ANKRD11: variants seen among roughly 807,000 people sequenced by gnomAD.
ANKRD11 encodes ankyrin repeat domain-containing protein 11.
In ANKRD11, 17 loss-of-function variants were observed where a neutral mutation model predicts 195.7. The ratio of observed to expected loss-of-function variants is 0.09; its 90% CI spans 0.06 to 0.13. ANKRD11 has a LOEUF of 0.13. ANKRD11 is among the 10% of genes least tolerant of loss of function. The pLI is 1.00. For missense variants in ANKRD11, 3,735 were observed against 3,566.1 expected, an observed-to-expected ratio of 1.05 and a Z score of -1.21; for synonymous variants, 1,953 against 1,528.1, an observed-to-expected ratio of 1.28 and a Z score of -6.49.
At chr16:89,367,137 G>A (rs925986294) in intron 2 of ANKRD11, among the ~76,000 whole-genome samples, 4 of 151,860 alleles carry the variant, frequency 2.6e-5, no homozygotes, top group Non-Finnish European at 4.4e-5. Context: ...TCTCCACCCC[G>A]CACCCATCGG....
chr16:89,324,063 G>C (rs995157049), intron 2 of ANKRD11: 1 of 265,774 alleles, frequency 3.8e-6, no homozygotes, highest in African/African-American at 2.3e-5. Context: ...TGTTGGCCAG[G>C]GTGGTCTCCA....
Position 89,282,600 on chromosome 16 carries a change from C to T in ANKRD11, c.3942G>A (p.Glu1314=). The T allele has an allele frequency of 2.5e-6, 4 of 1,614,210 alleles. No individual in the cohort carries two copies. The highest frequency in any genetic ancestry group is 3.4e-6 in the Non-Finnish European group (4 of 1,180,038). ...SSDSFTDRGQ[E]PGLTAFLEVS... ...CCTCCAGGAAGGCAGTCAGCCCCGG[C>T]TCCTGCCCTCGGTCCGTGAAGCTGT... is the stretch of plus-strand genomic sequence containing the variant. The change falls in exon 9 of 13, where the codon GAG becomes GAA. Residue 1314 remains glutamate (E), a synonymous_variant. Transcript: ENST00000301030.
Position 89,269,380 on chromosome 16 carries a change from A to C in ANKRD11, c.7807-717T>G, listed in dbSNP as rs555657072. 2.3e-4 allele frequency among the ~76,000 whole-genome samples: 35 copies of C among 152,136 alleles called. No individual in the cohort carries two copies. The East Asian group carries it at 5.8e-3, about 25-fold the overall frequency. On this transcript the variant is annotated intron_variant, in intron 12 of 12. Coordinates refer to ENST00000301030, the MANE Select transcript of ANKRD11 (RefSeq NM_013275.6). ...TGCAGTGTGATCATGTCTGTCTCTA[A>C]ATTTTTCTCAACATATATATATGTA...
Position 89,330,721 on chromosome 16 carries a change from G to A in ANKRD11, c.-59-13643C>T, listed in dbSNP as rs190761634. Among the ~76,000 whole-genome samples the A allele has an allele frequency of 5.1e-3, 683 of 134,720 alleles. 3 individuals carry two copies. The highest frequency in any genetic ancestry group is 0.018 in the African/African-American group (638 of 35,734). 88.4% of individuals were successfully genotyped at this position (134,720 alleles called of 152,430 possible). On this transcript the variant is annotated intron_variant, in intron 2 of 12. Transcript: ENST00000301030. ...GCATCTCTTGTATCGGAAGTCCCACGGCTTCACTTCCACCTCATCCTGTTC... is the reference window on the plus strand; with the variant it reads ...GCATCTCTTGTATCGGAAGTCCCACAGCTTCACTTCCACCTCATCCTGTTC...
chr16:89,480,476 C>CA (rs1210555402), intron 1 of ANKRD11, among the ~76,000 whole-genome samples: 13 of 143,120 alleles, frequency 9.1e-5, no homozygotes, highest in Non-Finnish European at 1.2e-4. Flanking sequence ...GACTCCATCT[C>CA]AAAAAAAAAG....
chr16:89,443,074 C>G (rs2043599816), intron 1 of ANKRD11, among the ~76,000 whole-genome samples: 1 of 152,162 alleles, frequency 6.6e-6, no homozygotes, highest in Non-Finnish European at 1.5e-5. Flanking sequence ...CTCACTGCGA[C>G]CTCTGCCTCC....
intron 2 of ANKRD11, among the ~76,000 whole-genome samples, chr16:89,344,576 T>A (rs1019050216): frequency 6.6e-6 from 1 of 152,162 alleles, no homozygotes. Flanking sequence ...TGCCTCAGCG[T>A]CTGAGGGATA....
intron 1 of ANKRD11, among the ~76,000 whole-genome samples, chr16:89,440,530 T>C (rs750396546): frequency 6.6e-6 from 1 of 151,972 alleles, no homozygotes; most frequent in African/African-American, 2.4e-5. Flanking sequence ...GTGGGAGAAT[T>C]GCTTGAGACC....
At chr16:89,304,883 C>G (rs1272204693) in intron 4 of ANKRD11, among the ~76,000 whole-genome samples, 3 of 152,250 alleles carry the variant, frequency 2.0e-5, no homozygotes, top group Admixed American at 6.5e-5. Flanking sequence ...CTGTCTCCCT[C>G]CCGTGTCCAG....
At chr16:89,442,600 A>G (rs997232280) in intron 1 of ANKRD11, among the ~76,000 whole-genome samples, 18 of 152,192 alleles carry the variant, frequency 1.2e-4, no homozygotes, top group Non-Finnish European at 1.8e-4. Flanking sequence ...GAACGGTTTT[A>G]CGCATCAAAG....
At chr16:89,402,006 G>A (rs2041712682) in intron 2 of ANKRD11, among the ~76,000 whole-genome samples, 1 of 151,110 alleles carries the variant, frequency 6.6e-6, no homozygotes, top group Non-Finnish European at 1.5e-5. Context: ...CAGAGCCGTG[G>A]GAGAACAGAT....
rs562289986 is a variant in ANKRD11 at position 89,392,051 on chromosome 16, C to G, written c.-60+26233G>C. Among the ~76,000 whole-genome samples, 685 of 152,200 alleles carry G rather than the reference C, an allele frequency of 4.5e-3. 6 individuals carry two copies. Among genetic ancestry groups the G allele is most frequent in the African/African-American group, 0.015 (631 of 41,516 alleles). ...CCTTTGTTCTCCTCTGCCTTTGCCT[C>G]TTTTAAAAAGTTCTAAGTTGCTAGC... On this transcript the variant is annotated intron_variant, in intron 2 of 12. Coordinates refer to ENST00000301030, the MANE Select transcript of ANKRD11 (RefSeq NM_013275.6).
In ANKRD11 at chr16:89,268,307, G is replaced by A. The variant is rs1567532161; in HGVS notation, c.*171C>T. 5.0e-6 allele frequency: 2 copies of A among 397,632 alleles called. No homozygotes were observed. Among genetic ancestry groups the A allele is most frequent in the Non-Finnish European group, 8.8e-6 (2 of 227,868 alleles). The allele number at this position is 397,632 out of a possible 1,614,324, so 24.6% of individuals were successfully genotyped here. ...GAGAAGAGACGTGTTTCACCTCCCC[G>A]ACGTCTGGACCAGTCTGGAAGGGAT... On this transcript the variant is annotated 3_prime_UTR_variant, in exon 13 of 13. Coordinates refer to ENST00000301030, the MANE Select transcript of ANKRD11 (RefSeq NM_013275.6).
intron 2 of ANKRD11, chr16:89,372,719 G>A (rs767242759): frequency 5.9e-5 from 9 of 152,164 alleles, no homozygotes; most frequent in Non-Finnish European, 1.3e-4. Context: ...AGTAAACGCT[G>A]AGCCCGGGGA....
intron 2 of ANKRD11, 71 bp from the exon 3 acceptor site, chr16:89,317,149 C>T: frequency 1.0e-6 from 1 of 1,002,056 alleles, no homozygotes; most frequent in African/African-American, 1.6e-5. Context: ...TCACACCGCA[C>T]TCAACAGACT....
chr16:89,268,541 C>G lies in ANKRD11; in HGVS notation c.7929G>C (p.Glu2643Asp), dbSNP rs779813123. The change falls in exon 13 of 13, where the codon GAG (glutamate) becomes GAC (aspartate). Residue 2643 changes from glutamate to aspartate, a missense_variant. Coordinates refer to ENST00000301030, the MANE Select transcript of ANKRD11 (RefSeq NM_013275.6). ...PAGHKSLCVN[E>D]VPSFYVPMVD... Reference sequence around the variant, plus strand: ...CCATGGGCACGTAGAAGGAGGGCACCTCGTTCACGCACAGGGACTTGTGCC... The same window carrying G: ...CCATGGGCACGTAGAAGGAGGGCACGTCGTTCACGCACAGGGACTTGTGCC... 33 of 1,493,054 alleles carry G rather than the reference C, an allele frequency of 2.2e-5. No individual in the cohort carries two copies. Among genetic ancestry groups the G allele is most frequent in the Non-Finnish European group, 2.8e-5 (31 of 1,096,634 alleles). 92.5% of individuals were successfully genotyped at this position (1,493,054 alleles called of 1,614,324 possible). A position where few individuals can be genotyped will look rare whatever the true frequency, so the allele number is the denominator to read the frequency against.
intron 2 of ANKRD11, among the ~76,000 whole-genome samples, chr16:89,329,477 G>T (rs1208811813): frequency 6.6e-6 from 1 of 152,190 alleles, no homozygotes; most frequent in East Asian, 1.9e-4. Context: ...TTAGGTGATG[G>T]TGTTTCCCCA....
Position 89,279,282 on chromosome 16 carries a change from G to T in ANKRD11, c.7260C>A (p.Asp2420Glu). 1 of 1,611,634 alleles carries T rather than the reference G, an allele frequency of 6.2e-7. No homozygotes were observed. Among genetic ancestry groups the T allele is most frequent in the Non-Finnish European group, 8.5e-7 (1 of 1,179,634 alleles). ...GCTCGATGGCATCCAGCTTGATGGC[G>T]TCCACGATGGCGGCCAGCGTCTGCT... Reference protein sequence around the residue: ...VIQQTLAAIVDAIKLDAIEPY... With the variant: ...VIQQTLAAIVEAIKLDAIEPY... The change falls in exon 9 of 13, where the codon GAC (aspartate) becomes GAA (glutamate). Residue 2420 changes from aspartate to glutamate, a missense_variant. Coordinates refer to ENST00000301030, the MANE Select transcript of ANKRD11 (RefSeq NM_013275.6). The surrounding 1 kb of genome is among the most constrained non-coding windows in gnomAD (Gnocchi z 5.6).
At chr16:89,346,310 C>T (rs1204244950) in intron 2 of ANKRD11, among the ~76,000 whole-genome samples, 1 of 150,000 alleles carries the variant, frequency 6.7e-6, no homozygotes, top group African/African-American at 2.5e-5. Flanking sequence ...AGCCACGGAG[C>T]AGATATTAAA....
Sources: gnomAD v4.1 joint callset for allele counts (sites outside exome capture counted in the v4.1 genomes callset) on GRCh38, gnomAD v4.1.1 for gene constraint, Gnocchi (gnomAD v3.1) non-coding constraint, MANE v1.5 for transcripts, NCBI Gene and HGNC (gene_info 2026-07-23, HGNC 2026-07-21) for gene names.